CSMD1: variants seen among roughly 807,000 people sequenced by gnomAD.
CSMD1 encodes the protein CUB and sushi domain-containing protein 1.
In CSMD1, 213 loss-of-function variants were observed where a neutral mutation model predicts 417.5. That is an observed-to-expected ratio of 0.51 (90% CI 0.46 to 0.57). The LOEUF (loss-of-function observed/expected upper bound fraction) is 0.57. Ranked by LOEUF, CSMD1 falls within the 20% of genes least tolerant of loss-of-function variation. CSMD1 has a pLI of 0.00. For synonymous variants in CSMD1, 2,862 were observed against 1,736.8 expected, an observed-to-expected ratio of 1.65 and a Z score of -16.11; for missense variants, 6,923 against 4,529.7, an observed-to-expected ratio of 1.53 and a Z score of -15.17.
intron 3 of CSMD1, among the ~76,000 whole-genome samples, chr8:4,200,065 C>T (rs773055173): frequency 6.6e-6 from 1 of 152,152 alleles, no homozygotes; most frequent in Non-Finnish European, 1.5e-5. Context: ...GCTCTATCAA[C>T]AAATCATCCT....
intron 1 of CSMD1, among the ~76,000 whole-genome samples, chr8:4,832,843 A>G (rs1585178968): frequency 1.3e-5 from 2 of 152,292 alleles, no homozygotes; most frequent in Admixed American, 1.3e-4. Flanking sequence ...TGATAAAAGC[A>G]GGTGCATGTG....
intron 1 of CSMD1, among the ~76,000 whole-genome samples, chr8:4,854,012 T>C (rs549975264): frequency 3.3e-5 from 5 of 152,292 alleles, no homozygotes; most frequent in East Asian, 3.9e-4. Context: ...TGGAACACAA[T>C]TGTATCTTGG....
chr8:4,930,928 T>C (rs1807207341), intron 1 of CSMD1, among the ~76,000 whole-genome samples: 1 of 152,198 alleles, frequency 6.6e-6, no homozygotes, highest in Non-Finnish European at 1.5e-5. Context: ...GTGGTTGACA[T>C]TGTACAGAAC....
chr8:4,695,273 C>T (rs1807047437), intron 1 of CSMD1, among the ~76,000 whole-genome samples: 1 of 152,332 alleles, frequency 6.6e-6, no homozygotes, highest in Non-Finnish European at 1.5e-5. Flanking sequence ...AAACCTCTCT[C>T]TCTGACCCTG....
chr8:4,645,832 G>A lies in CSMD1; in HGVS notation c.86-8274C>T, dbSNP rs557453973. On this transcript the variant is annotated intron_variant, in intron 1 of 69. Transcript: ENST00000635120. ...ATTCCGGGACACATCATTCTTCACA[G>A]GGAGGCTTCATGGCACCCCACGCCT... Among the ~76,000 whole-genome samples, 22 of 152,212 alleles carry A rather than the reference G, an allele frequency of 1.4e-4. No homozygotes were observed. The South Asian group carries it at 4.1e-3, about 29-fold the overall frequency.
At chr8:4,189,694 TG>T (rs1287577720) in intron 3 of CSMD1, among the ~76,000 whole-genome samples, 2 of 152,016 alleles carry the variant, frequency 1.3e-5, no homozygotes, top group Non-Finnish European at 2.9e-5. Flanking sequence ...GAAAGAGTGT[TG>T]AGAATTAATT....
At chr8:4,496,645 C>A (rs1220775030) in intron 2 of CSMD1, among the ~76,000 whole-genome samples, 1 of 152,120 alleles carries the variant, frequency 6.6e-6, no homozygotes, top group Non-Finnish European at 1.5e-5. Flanking sequence ...TCTCATAGCT[C>A]CTTTTGGTCT....
intron 3 of CSMD1, among the ~76,000 whole-genome samples, chr8:4,263,155 A>C (rs1804001252): frequency 6.6e-6 from 1 of 152,146 alleles, no homozygotes; most frequent in South Asian, 2.1e-4. Flanking sequence ...GTATTACGTA[A>C]AAGCAATGTT....
chr8:4,297,626 T>C (rs1585182114), intron 3 of CSMD1, among the ~76,000 whole-genome samples: 1 of 152,182 alleles, frequency 6.6e-6, no homozygotes, highest in Non-Finnish European at 1.5e-5. Context: ...AAATTGAACT[T>C]GACCTTTCAA....
chr8:4,970,933 A>G (rs1810200757), intron 1 of CSMD1, among the ~76,000 whole-genome samples: 1 of 152,144 alleles, frequency 6.6e-6, no homozygotes, highest in African/African-American at 2.4e-5. Flanking sequence ...TTACCTTACA[A>G]TTCCTTGTTA....
At chr8:3,305,003 T>TG (rs1346441372) in intron 25 of CSMD1, among the ~76,000 whole-genome samples, 10 of 152,202 alleles carry the variant, frequency 6.6e-5, no homozygotes, top group African/African-American at 2.4e-4. Flanking sequence ...ATTACTCAAA[T>TG]CTAGCATTTG....
In CSMD1 at chr8:3,533,440, G is replaced by A. The variant is rs1798062596; in HGVS notation, c.1345-39714C>T. Among the ~76,000 whole-genome samples, 3 of 152,116 alleles carry A rather than the reference G, an allele frequency of 2.0e-5. No individual in the cohort carries two copies. In the South Asian group the frequency reaches 6.2e-4, roughly 32 times the overall value. On this transcript the variant is annotated intron_variant, in intron 10 of 69. Coordinates refer to ENST00000635120, the MANE Select transcript of CSMD1 (RefSeq NM_033225.6). Reference sequence around the variant, plus strand: ...GGTTTGACTCTGTCAGCGTCTATGAGTTTAACTCCTTTAGATTCCTCATGT... The same window carrying A: ...GGTTTGACTCTGTCAGCGTCTATGAATTTAACTCCTTTAGATTCCTCATGT...
intron 1 of CSMD1, among the ~76,000 whole-genome samples, chr8:4,779,924 A>G (rs999519948): frequency 6.6e-6 from 1 of 151,682 alleles, no homozygotes; most frequent in Non-Finnish European, 1.5e-5. Flanking sequence ...TTTTTCTCCA[A>G]TAAGAAAATA....
chr8:4,020,526 G>C (rs958897380), intron 4 of CSMD1, among the ~76,000 whole-genome samples: 1 of 152,152 alleles, frequency 6.6e-6, no homozygotes, highest in South Asian at 2.1e-4. Flanking sequence ...TTCTGGATGG[G>C]TGAACATCTC....
intron 2 of CSMD1, among the ~76,000 whole-genome samples, chr8:4,628,924 A>T (rs1382256): frequency 0.71 from 108,274 of 151,990 alleles, 39,090 homozygotes; most frequent in Admixed American, 0.81. Context: ...TTGGAAGAAA[A>T]TGGACACTCT....
At chr8:4,654,289 A>T (rs1804090241) in intron 1 of CSMD1, among the ~76,000 whole-genome samples, 1 of 152,142 alleles carries the variant, frequency 6.6e-6, no homozygotes, top group Non-Finnish European at 1.5e-5. Context: ...ATATAGACTT[A>T]TATGGAAAGG....
intron 3 of CSMD1, among the ~76,000 whole-genome samples, chr8:4,078,076 G>C (rs1265272298): frequency 6.6e-6 from 1 of 152,082 alleles, no homozygotes; most frequent in African/African-American, 2.4e-5. Context: ...TGTAAGAAAT[G>C]CCTACATGCC....
In CSMD1 at chr8:3,107,745, G is replaced by C. The variant is rs767123597; in HGVS notation, c.6808C>G (p.Leu2270Val). The C allele has an allele frequency of 2.5e-6, 4 of 1,592,914 alleles. No individual in the cohort carries two copies. Among genetic ancestry groups the C allele is most frequent in the African/African-American group, 1.4e-5 (1 of 73,524 alleles). Residue 2270 changes from leucine to valine, a missense_variant, in exon 45 of 70, where the codon CTT (leucine) becomes GTT (valine). Transcript: ENST00000635120. ...PPPAVPQAEM[L>V]TEDDDFEIGD... Reference sequence around the variant, plus strand: ...ATTTCGAAATCATCATCCTCAGTAAGCATTTCTGCCTGTGGAACCGCTGGG... The same window carrying C: ...ATTTCGAAATCATCATCCTCAGTAACCATTTCTGCCTGTGGAACCGCTGGG...
chr8:3,199,916 C>T (rs1796904139), intron 32 of CSMD1, 107 bp from the exon 33 acceptor site: 8 of 638,810 alleles, frequency 1.3e-5, no homozygotes, highest in Middle Eastern at 2.6e-4. Context: ...ATTTTTTGAA[C>T]TTTTAAAACA....
Sources: gnomAD v4.1 joint callset for allele counts (sites outside exome capture counted in the v4.1 genomes callset) on GRCh38, gnomAD v4.1.1 for gene constraint, MANE v1.5 for transcripts, NCBI Gene and HGNC (gene_info 2026-07-23, HGNC 2026-07-21) for gene names.